Variants in CLIC5 observed in about 807,000 individuals in gnomAD.
The protein encoded by CLIC5 is chloride intracellular channel protein 5.
A neutral mutation model predicts 24.7 loss-of-function variants in CLIC5; 20 were observed. The observed-to-expected ratio is 0.81, with a 90% CI of 0.57 to 1.18. The LOEUF is 1.18. CLIC5 is among the 50% of genes most tolerant of loss of function. The pLI, the probability that CLIC5 is intolerant of heterozygous loss-of-function variation, is 0.00. For missense variants in CLIC5, 341 were observed against 326.1 expected, an observed-to-expected ratio of 1.05 and a Z score of -0.35; for synonymous variants, 159 against 135.6, an observed-to-expected ratio of 1.17 and a Z score of -1.20.
At chr6:46,062,738 A>G (rs1297386270) in intron 1 of CLIC5, among the ~76,000 whole-genome samples, 1 of 152,224 alleles carries the variant, frequency 6.6e-6, no homozygotes, top group Non-Finnish European at 1.5e-5. Context: ...TTTCCTAGGT[A>G]CGCATCACAA....
chr6:46,127,871 C>T, the CLIC5 span, among the ~76,000 whole-genome samples: 5 of 152,004 alleles, frequency 3.3e-5, no homozygotes, highest in African/African-American at 1.2e-4. Flanking sequence ...TTTCTATCAC[C>T]CAGTGGAAGT....
intron 3 of CLIC5, among the ~76,000 whole-genome samples, chr6:45,942,770 T>A (rs1041953250): frequency 1.3e-5 from 2 of 152,232 alleles, no homozygotes; most frequent in African/African-American, 4.8e-5. Context: ...GGGCCCCTTT[T>A]GGGGCCATGT....
intron 3 of CLIC5, 106 bp downstream of exon 3, chr6:45,949,150 G>C: frequency 7.0e-7 from 1 of 1,425,940 alleles, no homozygotes; most frequent in South Asian, 1.4e-5. Flanking sequence ...CTCTGGACTG[G>C]TGAGGTTCCT....
rs750290247 is a variant in CLIC5 at position 45,969,891 on chromosome 6, A to G, written c.64-14647T>C. On this transcript the variant is annotated intron_variant, in intron 1 of 5. Transcript: ENST00000339561. ...ACGACAGGTCCTGAGCTCCCAGGGG[A>G]AGGATAGAAGGGAAGCTGTGTAGCT... Among the ~76,000 whole-genome samples, 12 of 149,282 alleles carry G rather than the reference A, an allele frequency of 8.0e-5. No individual in the cohort carries two copies. The South Asian group carries it at 1.1e-3, about 13-fold the overall frequency.
intron 1 of CLIC5, among the ~76,000 whole-genome samples, chr6:45,992,339 G>A (rs1307814716): frequency 2.0e-5 from 3 of 152,198 alleles, no homozygotes; most frequent in South Asian, 2.1e-4. Context: ...GAATGACAGC[G>A]AATGTGTACT....
At chr6:45,927,084 C>G (rs34866782) in intron 4 of CLIC5, among the ~76,000 whole-genome samples, 3 of 152,044 alleles carry the variant, frequency 2.0e-5, no homozygotes, top group Non-Finnish European at 4.4e-5. Flanking sequence ...AGGACGTGCC[C>G]GTGGCTCTGA....
At chr6:46,052,108 AATG>A (rs777267994) in intron 1 of CLIC5, among the ~76,000 whole-genome samples, 1 of 144,014 alleles carries the variant, frequency 6.9e-6, no homozygotes, top group Non-Finnish European at 1.5e-5. Flanking sequence ...GGAACACAAA[AATG>A]ATGAGATTTC....
Position 45,949,323 on chromosome 6 carries a change from T to A in CLIC5, c.232A>T (p.Asn78Tyr), listed in dbSNP as rs1030945897. 1 of 1,613,896 alleles carries A rather than the reference T, an allele frequency of 6.2e-7. No homozygotes were observed. The highest frequency in any genetic ancestry group is 1.3e-5 in the African/African-American group (1 of 74,940). Residue 78 changes from asparagine to tyrosine, a missense_variant, in exon 3 of 6, where the codon AAC becomes TAC. Asn to Tyr is a moderately radical substitution (Grantham distance 143). Coordinates refer to ENST00000339561, the MANE Select transcript of CLIC5 (RefSeq NM_016929.5). The stretch of plus-strand genomic sequence containing the variant: ...TTGACGTCTGTCTTCACGTCCCCGT[T>A]GAAGGTCAGGAAGGGCGGGTGCGTG... ...PGTHPPFLTFNGDVKTDVNKI... is the reference protein window; with the variant it reads ...PGTHPPFLTFYGDVKTDVNKI...
In CLIC5 at chr6:45,901,856, T is replaced by G. The variant is rs1581709945; in HGVS notation, c.*1232A>C. ...TTTCTTCAAGTTCAAACCACATGGT[T>G]TCCTAGTCAGAAAGTCTCATGGACT... On this transcript the variant is annotated 3_prime_UTR_variant, in exon 6 of 6. Transcript: ENST00000339561. 2 of 152,730 alleles carry G rather than the reference T, an allele frequency of 1.3e-5. No individual in the cohort carries two copies. The highest frequency in any genetic ancestry group is 4.1e-4 in the South Asian group (2 of 4,820). 9.5% of individuals were successfully genotyped at this position (152,730 alleles called of 1,614,324 possible).
At chr6:46,074,537 C>T (rs1051647076) in intron 1 of CLIC5, among the ~76,000 whole-genome samples, 1 of 152,166 alleles carries the variant, frequency 6.6e-6, no homozygotes, top group African/African-American at 2.4e-5. Context: ...GTGAATAGTG[C>T]CCCCTAAACT....
At chr6:45,931,168 T>C (rs751120018) in intron 4 of CLIC5, among the ~76,000 whole-genome samples, 63 of 152,324 alleles carry the variant, frequency 4.1e-4, no homozygotes, top group Non-Finnish European at 6.9e-4. Flanking sequence ...TGTGGCTGCT[T>C]TATGATTCCT....
intron 5 of CLIC5, among the ~76,000 whole-genome samples, chr6:45,910,370 C>T (rs895428815): frequency 3.3e-5 from 5 of 152,022 alleles, no homozygotes; most frequent in African/African-American, 4.8e-5. Context: ...AAAAGCAAGA[C>T]AAAGGGAGAT....
downstream of CLIC5, among the ~76,000 whole-genome samples, chr6:45,893,597 C>T (rs533146922): frequency 2.0e-4 from 31 of 152,278 alleles, no homozygotes; most frequent in African/African-American, 6.3e-4. Flanking sequence ...CCACACTCGT[C>T]GTCCCTAATG....
intron 3 of CLIC5, among the ~76,000 whole-genome samples, chr6:45,943,615 C>G (rs1764202653): frequency 6.6e-6 from 1 of 152,176 alleles, no homozygotes. Flanking sequence ...GACAGAAAGG[C>G]CTAGAAAATG....
chr6:46,087,600 C>T, the CLIC5 span, among the ~76,000 whole-genome samples: 3 of 152,072 alleles, frequency 2.0e-5, no homozygotes, highest in Non-Finnish European at 2.9e-5. Flanking sequence ...AGTTTCTTCC[C>T]TTCTCATCCC....
intron 2 of CLIC5, among the ~76,000 whole-genome samples, chr6:45,950,906 C>A (rs150279654): frequency 2.0e-5 from 3 of 152,110 alleles, no homozygotes; most frequent in Admixed American, 6.5e-5. Flanking sequence ...ATACATAAAT[C>A]AAAAATCTCC....
chr6:45,936,448 G>A (rs527901640), intron 4 of CLIC5, among the ~76,000 whole-genome samples: 1 of 152,054 alleles, frequency 6.6e-6, no homozygotes, highest in East Asian at 1.9e-4. Context: ...CCGGTCATCT[G>A]CCTGCCTTGG....
At chr6:46,055,263 T>C (rs1428629436) in intron 1 of CLIC5, among the ~76,000 whole-genome samples, 1 of 152,174 alleles carries the variant, frequency 6.6e-6, no homozygotes, top group Non-Finnish European at 1.5e-5. Context: ...CCAACATGCC[T>C]GGCTAATTTT....
intron 6 of CLIC5, chr6:45,883,844 A>G (rs1015113226): frequency 1.3e-5 from 2 of 152,266 alleles, no homozygotes; most frequent in Non-Finnish European, 2.9e-5. Flanking sequence ...ACAGAAGCAG[A>G]AGGAGAGCAT....
Sources: gnomAD v4.1 joint callset for allele counts (sites outside exome capture counted in the v4.1 genomes callset) on GRCh38, gnomAD v4.1.1 for gene constraint, MANE v1.5 for transcripts, NCBI Gene and HGNC (gene_info 2026-07-23, HGNC 2026-07-21) for gene names.